USP12: variants seen among roughly 807,000 people sequenced by gnomAD.
USP12 encodes ubiquitin specific peptidase 12.
A neutral mutation model predicts 45.5 loss-of-function variants in USP12; 19 were observed. That is an observed-to-expected ratio of 0.42 (90% CI 0.29 to 0.61). The LOEUF is 0.61. USP12 is among the 20% of genes least tolerant of loss of function. The pLI, the probability that USP12 is intolerant of heterozygous loss-of-function variation, is 0.22. For synonymous variants in USP12, 149 were observed against 148.8 expected, an observed-to-expected ratio of 1.00 and a Z score of -0.01; for missense variants, 242 against 447.7, an observed-to-expected ratio of 0.54 and a Z score of 4.15.
At chr13:27,125,980 G>A (rs1876215862) in intron 1 of USP12, among the ~76,000 whole-genome samples, 1 of 152,240 alleles carries the variant, frequency 6.6e-6, no homozygotes, top group Non-Finnish European at 1.5e-5. Context: ...GCTTGAACTG[G>A]GCGGAGCCCA....
At chr13:27,081,741 CAT>C (rs1434044989) in intron 6 of USP12, among the ~76,000 whole-genome samples, 2 of 152,138 alleles carry the variant, frequency 1.3e-5, no homozygotes, top group African/African-American at 4.8e-5. Flanking sequence ...CAAAATAACT[CAT>C]TGATTCATGG....
At chr13:27,113,508 T>C (rs1875565258) in intron 2 of USP12, among the ~76,000 whole-genome samples, 1 of 152,148 alleles carries the variant, frequency 6.6e-6, no homozygotes, top group Non-Finnish European at 1.5e-5. Context: ...ACCACGCTTC[T>C]TACTCCAGCA....
intron 1 of USP12, among the ~76,000 whole-genome samples, chr13:27,142,454 A>G (rs1368542123): frequency 6.6e-6 from 1 of 152,250 alleles, no homozygotes; most frequent in Non-Finnish European, 1.5e-5. Context: ...AGATGACAGC[A>G]TTGATGTTTT....
At chr13:27,081,438 G>T (rs545048557) in intron 6 of USP12, among the ~76,000 whole-genome samples, 1 of 152,288 alleles carries the variant, frequency 6.6e-6, no homozygotes, top group East Asian at 1.9e-4. Flanking sequence ...AGATCGTCAG[G>T]ATCCTCTTCT....
intron 2 of USP12, among the ~76,000 whole-genome samples, chr13:27,114,487 A>G (rs1176790245): frequency 2.0e-5 from 3 of 152,210 alleles, no homozygotes; most frequent in Non-Finnish European, 4.4e-5. Context: ...AAGCTACACT[A>G]GTATTTCTCC....
At chr13:27,080,314 C>T (rs1873691266) in intron 6 of USP12, among the ~76,000 whole-genome samples, 1 of 152,178 alleles carries the variant, frequency 6.6e-6, no homozygotes, top group African/African-American at 2.4e-5. Context: ...CATGATACTA[C>T]ACAAGTTACC....
chr13:27,070,352 G>C (rs536879771), intron 8 of USP12, among the ~76,000 whole-genome samples: 1 of 152,144 alleles, frequency 6.6e-6, no homozygotes, highest in Admixed American at 6.5e-5. Context: ...GCCTGCTGCG[G>C]TGTTGAAAAT....
intron 1 of USP12, among the ~76,000 whole-genome samples, chr13:27,118,982 GTCTC>G (rs2137799669): frequency 6.6e-6 from 1 of 152,248 alleles, no homozygotes; most frequent in East Asian, 1.9e-4. Context: ...GTCAGGTATT[GTCTC>G]TCTCTGCCTC....
intron 1 of USP12, among the ~76,000 whole-genome samples, chr13:27,146,350 C>A (rs1483861028): frequency 6.6e-6 from 1 of 152,042 alleles, no homozygotes; most frequent in African/African-American, 2.4e-5. Flanking sequence ...TGCAGTGAGC[C>A]AAGATCATGC....
intron 2 of USP12, among the ~76,000 whole-genome samples, chr13:27,114,757 C>T (rs934446974): frequency 1.6e-4 from 23 of 144,332 alleles, no homozygotes; most frequent in Admixed American, 1.6e-3. Context: ...GTATTTTCCT[C>T]CTCTCCATTT....
At chr13:27,081,866 G>T (rs191875272) in intron 6 of USP12, among the ~76,000 whole-genome samples, 9 of 152,284 alleles carry the variant, frequency 5.9e-5, no homozygotes, top group Admixed American at 3.9e-4. Flanking sequence ...GTAATATTTT[G>T]AAAGAAATCT....
chr13:27,101,956 A>G (rs1415303032), intron 3 of USP12, among the ~76,000 whole-genome samples: 2 of 152,080 alleles, frequency 1.3e-5, no homozygotes, highest in Non-Finnish European at 2.9e-5. Context: ...TTTCTATCTC[A>G]TCCCTAGGAC....
At chr13:27,134,268 T>C (rs557722025) in intron 1 of USP12, among the ~76,000 whole-genome samples, 4 of 152,292 alleles carry the variant, frequency 2.6e-5, no homozygotes, top group South Asian at 4.1e-4. Flanking sequence ...TGGAGAAAGG[T>C]AGCATAAAAG....
intron 8 of USP12, among the ~76,000 whole-genome samples, 197 bp from the exon 9 acceptor site, chr13:27,069,581 G>C (rs559167263): frequency 2.4e-4 from 37 of 152,306 alleles, no homozygotes; most frequent in African/African-American, 8.4e-4. Flanking sequence ...ACTACCCTTT[G>C]ATCCAGCAAT....
chr13:27,139,749 G>T (rs971736623), intron 1 of USP12, among the ~76,000 whole-genome samples: 1 of 152,160 alleles, frequency 6.6e-6, no homozygotes, highest in African/African-American at 2.4e-5. Flanking sequence ...TCACATACAA[G>T]TGCTAACATG....
At chr13:27,107,133 T>C (rs915709581) in intron 2 of USP12, among the ~76,000 whole-genome samples, 2 of 152,096 alleles carry the variant, frequency 1.3e-5, no homozygotes, top group Non-Finnish European at 2.9e-5. Context: ...GAGACCAACT[T>C]GATCAACATG....
In USP12 at chr13:27,068,945, T is replaced by C. The variant is rs1191622782; in HGVS notation, c.*338A>G. 6.2e-6 allele frequency: 2 copies of C among 321,716 alleles called. No individual in the cohort carries two copies. Among genetic ancestry groups the C allele is most frequent in the East Asian group, 1.6e-4 (2 of 12,564 alleles). The allele number at this position is 321,716 out of a possible 1,614,324, so 19.9% of individuals were successfully genotyped here. ...CGGCACAGATTCCGATTCTTTCTACTGCACCCCCAAGGAATTCAAAGCATT... is the reference window on the plus strand; with the variant it reads ...CGGCACAGATTCCGATTCTTTCTACCGCACCCCCAAGGAATTCAAAGCATT... On this transcript the variant is annotated 3_prime_UTR_variant, in exon 9 of 9. Coordinates refer to ENST00000282344, the MANE Select transcript of USP12 (RefSeq NM_182488.4).
At chr13:27,111,586 C>T (rs191013326) in intron 2 of USP12, among the ~76,000 whole-genome samples, 69 of 152,236 alleles carry the variant, frequency 4.5e-4, no homozygotes, top group Non-Finnish European at 5.7e-4. Flanking sequence ...TTCTCTAATG[C>T]CTTCTTCTCC....
chr13:27,139,383 AG>A (rs367883304), intron 1 of USP12, among the ~76,000 whole-genome samples: 178 of 152,298 alleles, frequency 1.2e-3, no homozygotes, highest in African/African-American at 4.1e-3. Flanking sequence ...TGGAAGGCGG[AG>A]GCGGGAGGAT....
Sources: gnomAD v4.1 joint callset for allele counts (sites outside exome capture counted in the v4.1 genomes callset) on GRCh38, gnomAD v4.1.1 for gene constraint, MANE v1.5 for transcripts, NCBI Gene and HGNC (gene_info 2026-07-23, HGNC 2026-07-21) for gene names.